RASSF2: variants seen among roughly 807,000 people sequenced by gnomAD.
RASSF2 encodes ras association domain-containing protein 2.
In RASSF2, 34 loss-of-function variants were observed where a neutral mutation model predicts 46.3. The observed-to-expected ratio is 0.73, with a 90% CI of 0.56 to 0.98. The LOEUF is 0.98. RASSF2 is among the 50% of genes least tolerant of loss of function. RASSF2 has a pLI of 0.00. For missense variants in RASSF2, 364 were observed against 431.2 expected, an observed-to-expected ratio of 0.84 and a Z score of 1.38; for synonymous variants, 158 against 162.5, an observed-to-expected ratio of 0.97 and a Z score of 0.21.
At chr20:4,800,068 C>T (rs570103453) in intron 3 of RASSF2, among the ~76,000 whole-genome samples, 233 of 151,572 alleles carry the variant, frequency 1.5e-3, no homozygotes, top group Non-Finnish European at 2.4e-3. Context: ...ACTGAGATCA[C>T]GCCACTGCAC....
intron 5 of RASSF2, among the ~76,000 whole-genome samples, chr20:4,794,672 G>A (rs951956487): frequency 2.0e-5 from 3 of 152,248 alleles, no homozygotes; most frequent in East Asian, 1.9e-4. Context: ...TTAAGCCACC[G>A]CACTCCAGCC....
intron 11 of RASSF2, among the ~76,000 whole-genome samples, chr20:4,785,155 C>CAAAAAAAAAAAAAA (rs11454727): frequency 2.2e-5 from 2 of 92,500 alleles, no homozygotes; most frequent in African/African-American, 4.1e-5. Context: ...ACTAAAAATA[C>CAAAAAAAAAAAAAA]AAAAAAAAAA....
At chr20:4,786,415 GC>G in intron 10 of RASSF2, 87 bp from the exon 11 acceptor site, 1 of 1,134,406 alleles carries the variant, frequency 8.8e-7, no homozygotes. Flanking sequence ...AAGGCACAAA[GC>G]CTTGGGAAGT....
intron 2 of RASSF2, among the ~76,000 whole-genome samples, chr20:4,805,955 G>A (rs892790879): frequency 6.6e-6 from 1 of 152,206 alleles, no homozygotes; most frequent in Admixed American, 6.5e-5. Context: ...AACTTCCAGT[G>A]CAGATAACCA....
At position 4,784,308 on chromosome 20, in the gene RASSF2, G is replaced by C. The variant is rs778077714; in HGVS notation, c.946C>G (p.Leu316Val). Reference sequence around the variant, plus strand: ...GCTGGGGTCTCGGCTATCTCCTCCAGCCTCTGTCGAATCATTAGCCGGAGC... The same window carrying C: ...GCTGGGGTCTCGGCTATCTCCTCCACCCTCTGTCGAATCATTAGCCGGAGC... ...TVLRLMIRQRLEEIAETPATI is the reference protein window; with the variant it reads ...TVLRLMIRQRVEEIAETPATI The change falls in exon 12 of 12, where the codon CTG becomes GTG. Residue 316 changes from leucine (L) to valine (V), a missense_variant. Transcript: ENST00000379400. 1.9e-6 allele frequency: 3 copies of C among 1,613,932 alleles called. No individual in the cohort carries two copies. The South Asian group carries it at 3.3e-5, about 18-fold the overall frequency.
In RASSF2 at chr20:4,817,276, G is replaced by C. The variant is rs910670149; in HGVS notation, c.-33+5053C>G. Reference sequence around the variant, plus strand: ...TTATCATTATTATAAATAATGCTGCGAGGGACATCCCCATACACATACTTT... The same window carrying C: ...TTATCATTATTATAAATAATGCTGCCAGGGACATCCCCATACACATACTTT... On this transcript the variant is annotated intron_variant, in intron 2 of 11. Coordinates refer to ENST00000379400, the MANE Select transcript of RASSF2 (RefSeq NM_014737.3). Among the ~76,000 whole-genome samples the C allele has an allele frequency of 2.6e-5, 4 of 152,140 alleles. No homozygotes were observed. In the South Asian group the frequency reaches 8.3e-4, roughly 32 times the overall value.
Position 4,790,016 on chromosome 20 carries a change from T to A in RASSF2, c.538-319A>T, listed in dbSNP as rs7344574. ...GAAAGGAGGGATCAGCAAGATGGGG[T>A]GGGGTGGGTGGTGCACTGACACCCC... On this transcript the variant is annotated intron_variant, in intron 7 of 11. Transcript: ENST00000379400. This position sits in a 1 kb window ranked among gnomAD's most constrained non-coding sequence, Gnocchi z 4.3. 0.026 allele frequency among the ~76,000 whole-genome samples: 3,933 copies of A among 152,088 alleles called. 180 individuals are homozygous for A. Among genetic ancestry groups the A allele is most frequent in the African/African-American group, 0.091 (3,758 of 41,460 alleles).
Position 4,822,699 on chromosome 20 carries a change from C to T in RASSF2, c.-107-296G>A, listed in dbSNP as rs570431879. Among the ~76,000 whole-genome samples the T allele has an allele frequency of 4.3e-3, 652 of 152,386 alleles. 9 individuals are homozygous for T. Among genetic ancestry groups the T allele is most frequent in the African/African-American group, 0.012 (520 of 41,604 alleles). On this transcript the variant is annotated intron_variant, in intron 1 of 11. Coordinates refer to ENST00000379400, the MANE Select transcript of RASSF2 (RefSeq NM_014737.3). The stretch of plus-strand genomic sequence containing the variant: ...AGGTCCCAGCGACCTCAGGCACCAG[C>T]TCCGAAGGAGGGCGGGGAGACCGCA...
At chr20:4,813,399 C>T (rs1928005779) in intron 2 of RASSF2, among the ~76,000 whole-genome samples, 1 of 152,226 alleles carries the variant, frequency 6.6e-6, no homozygotes. Flanking sequence ...GCCTGGGTTC[C>T]CAGACGCGAC....
intron 2 of RASSF2, among the ~76,000 whole-genome samples, chr20:4,813,404 C>T (rs978679285): frequency 2.0e-5 from 3 of 152,192 alleles, no homozygotes; most frequent in Non-Finnish European, 2.9e-5. Flanking sequence ...GGTTCCCAGA[C>T]GCGACTGTGG....
At chr20:4,816,923 G>T (rs189668359) in intron 2 of RASSF2, among the ~76,000 whole-genome samples, 2 of 152,090 alleles carry the variant, frequency 1.3e-5, no homozygotes, top group Non-Finnish European at 2.9e-5. Flanking sequence ...GGCCAACATG[G>T]TGAAACCCTG....
rs78452642 is a variant in RASSF2, at chr20:4,798,233, C to T, written c.60-148G>A. ...ATGTACATACACACACATGCACATG[C>T]ACACAGAGTTCTGCCACCACCACCC... is the stretch of plus-strand genomic sequence containing the variant. On this transcript the variant is annotated intron_variant, in intron 3 of 11. Coordinates refer to ENST00000379400, the MANE Select transcript of RASSF2 (RefSeq NM_014737.3). 3.8e-3 allele frequency: 4,965 copies of T among 1,300,298 alleles called. 13 individuals carry two copies. The highest frequency in any genetic ancestry group is 4.6e-3 in the Non-Finnish European group (4,468 of 969,066). 80.5% of individuals were successfully genotyped at this position (1,300,298 alleles called of 1,614,324 possible). A position where few individuals can be genotyped will look rare whatever the true frequency, so the allele number is the denominator to read the frequency against.
At chr20:4,797,916 G>T in intron 4 of RASSF2, 94 bp downstream of exon 4, 1 of 1,546,976 alleles carries the variant, frequency 6.5e-7, no homozygotes, top group Admixed American at 2.0e-5. Flanking sequence ...AGGAGAGGCA[G>T]GGTTCTCTTG....
rs1568558997 is a variant in RASSF2 at position 4,782,712 on chromosome 20, G to A, written c.*1561C>T. 2 of 152,360 alleles carry A rather than the reference G, an allele frequency of 1.3e-5. No individual in the cohort carries two copies. Among genetic ancestry groups the A allele is most frequent in the East Asian group, 3.8e-4 (2 of 5,202 alleles). 9.4% of individuals were successfully genotyped at this position (152,360 alleles called of 1,614,324 possible). ...CCACCAAAAAAGTCCACCTTCCTTTGGAGGCACCAACCAGGGGCTGTCCTT... is the reference window on the plus strand; with the variant it reads ...CCACCAAAAAAGTCCACCTTCCTTTAGAGGCACCAACCAGGGGCTGTCCTT... On this transcript the variant is annotated 3_prime_UTR_variant, in exon 12 of 12. Coordinates refer to ENST00000379400, the MANE Select transcript of RASSF2 (RefSeq NM_014737.3).
chr20:4,821,359 G>A (rs1324901761), intron 2 of RASSF2, among the ~76,000 whole-genome samples: 2 of 152,072 alleles, frequency 1.3e-5, no homozygotes, highest in African/African-American at 2.4e-5. Context: ...TGGGGATGAT[G>A]TGGCTGCAGA....
rs559971363 is a variant in RASSF2, at chr20:4,790,687, T to C, written c.377-76A>G. ...CACATGGTCCCCAATTTGTGGCCAG[T>C]GCGACAGCACCCACTGTCTCCACAA... On this transcript the variant is annotated intron_variant, in intron 6 of 11. Coordinates refer to ENST00000379400, the MANE Select transcript of RASSF2 (RefSeq NM_014737.3). The surrounding 1 kb of genome is among the most constrained non-coding windows in gnomAD (Gnocchi z 4.3). 6 of 1,228,146 alleles carry C rather than the reference T, an allele frequency of 4.9e-6. No individual in the cohort carries two copies. In the East Asian group the frequency reaches 1.7e-4, roughly 35 times the overall value. The allele number at this position is 1,228,146 out of a possible 1,614,324, so 76.1% of individuals were successfully genotyped here.
chr20:4,787,841 G>A (rs1925504181), intron 9 of RASSF2, 87 bp from the exon 10 acceptor site: 3 of 1,028,052 alleles, frequency 2.9e-6, no homozygotes, highest in Non-Finnish European at 4.2e-6. Context: ...GGCACCTTAG[G>A]AGATGCCGCC....
intron 2 of RASSF2, among the ~76,000 whole-genome samples, 180 bp from the exon 3 acceptor site, chr20:4,801,242 G>A (rs551885854): frequency 2.0e-5 from 3 of 152,230 alleles, no homozygotes; most frequent in South Asian, 4.2e-4. Flanking sequence ...CTGCTGCCTC[G>A]GCTTGCCACA....
rs149865608 is a variant in RASSF2, at chr20:4,784,119, T to G, written c.*154A>C. The G allele has an allele frequency of 2.8e-6, 2 of 723,070 alleles. No individual in the cohort carries two copies. Among genetic ancestry groups the G allele is most frequent in the Non-Finnish European group, 4.8e-6 (2 of 415,242 alleles). The allele number at this position is 723,070 out of a possible 1,614,324, so 44.8% of individuals were successfully genotyped here. On this transcript the variant is annotated 3_prime_UTR_variant, in exon 12 of 12. Transcript: ENST00000379400. ...CAGGGATAGGGAGCTGTCTGCTGAC[T>G]TCTACATCCAGCTCCAGGTAGCAAA...
Sources: gnomAD v4.1 joint callset for allele counts (sites outside exome capture counted in the v4.1 genomes callset) on GRCh38, gnomAD v4.1.1 for gene constraint, Gnocchi (gnomAD v3.1) non-coding constraint, MANE v1.5 for transcripts, NCBI Gene and HGNC (gene_info 2026-07-23, HGNC 2026-07-21) for gene names.